SPPL3: variants seen among roughly 807,000 people sequenced by gnomAD.
SPPL3 encodes signal peptide peptidase-like 3.
In SPPL3, 5 loss-of-function variants were observed where a neutral mutation model predicts 42.4. That is an observed-to-expected ratio of 0.12 (90% confidence interval 0.06 to 0.25). The LOEUF (loss-of-function observed/expected upper bound fraction) is 0.25. Among genes scored for constraint, SPPL3 ranks in the 10% least tolerant of loss-of-function variants. The pLI is 1.00. For missense variants in SPPL3, 235 were observed against 489.0 expected, an observed-to-expected ratio of 0.48 and a Z score of 4.90; for synonymous variants, 195 against 181.8, an observed-to-expected ratio of 1.07 and a Z score of -0.58.
At chr12:120,868,468 T>TTTTC (rs10524001) in intron 1 of SPPL3, among the ~76,000 whole-genome samples, 136,834 of 151,846 alleles carry the variant, frequency 0.9, 62,514 homozygotes, top group East Asian at 1. Flanking sequence ...TCTTTTTTCT[T>TTTTC]TTTTTTTGTT....
Position 120,806,854 on chromosome 12 carries a change from A to AAAGG in SPPL3, c.101+3954_101+3955insCCTT, listed in dbSNP as rs138886656. Reference sequence around the variant, plus strand: ...AGAGCGAGACTCCATTAAAAAAAAAAAAGAAAGAAAGAAAGAAAACATAGG... The same window carrying AAAGG: ...AGAGCGAGACTCCATTAAAAAAAAAAAAGGAAGAAAGAAAGAAAGAAAACATAGG... On this transcript the variant is annotated intron_variant, in intron 2 of 10. Coordinates refer to ENST00000353487, the MANE Select transcript of SPPL3 (RefSeq NM_139015.5). 1.8e-3 allele frequency among the ~76,000 whole-genome samples: 14 copies of AAAGG among 7,800 alleles called. No individual in the cohort carries two copies. The African/African-American group carries it at 0.03, about 17-fold the overall frequency. 5.1% of individuals were successfully genotyped at this position (7,800 alleles called of 152,430 possible). A position where few individuals can be genotyped will look rare whatever the true frequency, so the allele number is the denominator to read the frequency against.
chr12:120,889,361 T>C (rs929263830), intron 1 of SPPL3, among the ~76,000 whole-genome samples: 1 of 152,244 alleles, frequency 6.6e-6, no homozygotes, highest in Admixed American at 6.5e-5. Context: ...TTGCAGTTCT[T>C]CCCACTAATG....
chr12:120,772,243 A>G (rs1179914939), intron 6 of SPPL3, among the ~76,000 whole-genome samples: 1 of 152,104 alleles, frequency 6.6e-6, no homozygotes, highest in African/African-American at 2.4e-5. Flanking sequence ...GCTGGTCTCA[A>G]ACTCCTGACC....
chr12:120,874,280 C>T (rs1873011299), intron 1 of SPPL3, among the ~76,000 whole-genome samples: 1 of 151,720 alleles, frequency 6.6e-6, no homozygotes, highest in Non-Finnish European at 1.5e-5. Flanking sequence ...TGGTGAAACC[C>T]CATCTCTACT....
intron 1 of SPPL3, among the ~76,000 whole-genome samples, chr12:120,863,694 C>T (rs549795048): frequency 6.6e-6 from 1 of 152,086 alleles, no homozygotes; most frequent in East Asian, 1.9e-4. Context: ...TTTTATTGCT[C>T]AGGCTGGAGT....
At chr12:120,766,145 C>T (rs536117420) in intron 10 of SPPL3, 118 bp downstream of exon 10, 12 of 732,912 alleles carry the variant, frequency 1.6e-5, no homozygotes, top group African/African-American at 1.3e-4. Context: ...CACACACAGT[C>T]GAGATCACAA....
chr12:120,828,211 C>T (rs1298743037), intron 1 of SPPL3, among the ~76,000 whole-genome samples: 1 of 152,152 alleles, frequency 6.6e-6, no homozygotes, highest in East Asian at 1.9e-4. Flanking sequence ...ATTAAACACA[C>T]TCCTAAATAA....
At chr12:120,785,543 T>C (rs1342808836) in intron 3 of SPPL3, among the ~76,000 whole-genome samples, 2 of 151,952 alleles carry the variant, frequency 1.3e-5, no homozygotes, top group Non-Finnish European at 2.9e-5. Context: ...CATGGCAAAC[T>C]CTAATAACCA....
intron 2 of SPPL3, among the ~76,000 whole-genome samples, chr12:120,802,590 C>T (rs1592970105): frequency 6.6e-6 from 1 of 151,446 alleles, no homozygotes; most frequent in East Asian, 1.9e-4. Context: ...TGCATCAACA[C>T]GCCTGGCTAA....
intron 1 of SPPL3, among the ~76,000 whole-genome samples, chr12:120,858,822 C>T (rs1355150799): frequency 6.6e-6 from 1 of 152,142 alleles, no homozygotes; most frequent in African/African-American, 2.4e-5. Context: ...CTGACAGCAA[C>T]GCTCTATGGA....
In SPPL3 at chr12:120,812,121, G is replaced by T. The variant is rs548914154; in HGVS notation, c.24-1235C>A. On this transcript the variant is annotated intron_variant, in intron 1 of 10. Coordinates refer to ENST00000353487, the MANE Select transcript of SPPL3 (RefSeq NM_139015.5). ...CCATTTAGTGGAAAAAAAAAAAAAA[G>T]TAACATAGGAGGAACAGATTTTTTT... is the stretch of plus-strand genomic sequence containing the variant. Among the ~76,000 whole-genome samples, 319 of 135,646 alleles carry T rather than the reference G, an allele frequency of 2.4e-3. 1 individual carries two copies. Among genetic ancestry groups the T allele is most frequent in the African/African-American group, 8.3e-3 (306 of 36,986 alleles). The allele number at this position is 135,646 out of a possible 152,430, so 89.0% of individuals were successfully genotyped here. A position where few individuals can be genotyped will look rare whatever the true frequency, so the allele number is the denominator to read the frequency against.
rs982133529 is a variant in SPPL3 at position 120,850,840 on chromosome 12, C to T, written c.24-39954G>A. On this transcript the variant is annotated intron_variant, in intron 1 of 10. Coordinates refer to ENST00000353487, the MANE Select transcript of SPPL3 (RefSeq NM_139015.5). The stretch of plus-strand genomic sequence containing the variant: ...ATTCCTTGGCTCACATTCCCTTCAT[C>T]GATCACTACAACCTCTTGTTTCCAT... Among the ~76,000 whole-genome samples, 12 of 152,326 alleles carry T rather than the reference C, an allele frequency of 7.9e-5. No individual in the cohort carries two copies. In the East Asian group the frequency reaches 1.2e-3, roughly 15 times the overall value.
At chr12:120,782,881 G>A (rs1397094085) in intron 5 of SPPL3, 114 bp from the exon 6 acceptor site, 1 of 749,652 alleles carries the variant, frequency 1.3e-6, no homozygotes, top group Non-Finnish European at 2.2e-6. Context: ...CAAGATAGCT[G>A]GAAATCCAAA....
intron 1 of SPPL3, among the ~76,000 whole-genome samples, chr12:120,842,389 TGGA>T (rs1290795147): frequency 3.9e-5 from 6 of 151,954 alleles, no homozygotes; most frequent in East Asian, 1.9e-4. Context: ...CTACAGAAAA[TGGA>T]GGAGAAGAGT....
rs1206954636 is a variant in SPPL3, at chr12:120,852,802, A to AT, written c.24-41917_24-41916insA. Among the ~76,000 whole-genome samples the AT allele has an allele frequency of 2.0e-4, 18 of 89,306 alleles. 2 individuals are homozygous for AT. Among genetic ancestry groups the AT allele is most frequent in the Non-Finnish European group, 3.5e-4 (15 of 42,654 alleles). 58.6% of individuals were successfully genotyped at this position (89,306 alleles called of 152,430 possible). On this transcript the variant is annotated intron_variant, in intron 1 of 10. Transcript: ENST00000353487. Reference sequence around the variant, plus strand: ...AAAATATATTTCATATATCATATATACATATATGAAATATATATTTCATAT... The same window carrying AT: ...AAAATATATTTCATATATCATATATATCATATATGAAATATATATTTCATAT...
intron 1 of SPPL3, among the ~76,000 whole-genome samples, chr12:120,819,003 C>T (rs1408928896): frequency 6.6e-6 from 1 of 152,168 alleles, no homozygotes; most frequent in Admixed American, 6.5e-5. Context: ...ATTCTCATAT[C>T]GGCTTCTGCA....
At chr12:120,844,032 C>T (rs1053771685) in intron 1 of SPPL3, among the ~76,000 whole-genome samples, 23 of 152,138 alleles carry the variant, frequency 1.5e-4, no homozygotes, top group African/African-American at 5.6e-4. Flanking sequence ...AATCATAAAC[C>T]TACACCTGTA....
intron 3 of SPPL3, among the ~76,000 whole-genome samples, chr12:120,790,948 T>C (rs1315971496): frequency 4.6e-5 from 7 of 152,000 alleles, no homozygotes; most frequent in Admixed American, 3.9e-4. Flanking sequence ...TCAGCCTCAG[T>C]AGTAGCTGGA....
intron 5 of SPPL3, 82 bp downstream of exon 5, chr12:120,783,592 T>A: frequency 3.1e-6 from 4 of 1,303,438 alleles, no homozygotes; most frequent in Non-Finnish European, 4.2e-6. Flanking sequence ...TAACAGAAAT[T>A]GAGAATCCTA....
Sources: allele counts gnomAD v4.1 joint callset (sites outside exome capture counted in the v4.1 genomes callset), GRCh38; gene constraint gnomAD v4.1.1; transcripts MANE v1.5; gene names NCBI Gene and HGNC (gene_info 2026-07-23, HGNC 2026-07-21).